The following ROBO1 variants were observed in gnomAD, a reference collection of about 807,000 sequenced individuals.
ROBO1 encodes the protein roundabout guidance receptor 1, also known as roundabout homolog 1.
A neutral mutation model predicts 195.9 loss-of-function variants in ROBO1; 149 were observed. The observed-to-expected ratio is 0.76, with a 90% CI of 0.67 to 0.87. The LOEUF (loss-of-function observed/expected upper bound fraction) is 0.87, where lower values mean the gene tolerates loss of function less well. ROBO1 is among the 40% of genes least tolerant of loss of function. The probability of loss-of-function intolerance (pLI) is 0.00; values close to 1 mark genes in which losing one functional copy is unlikely to be tolerated. For synonymous variants in ROBO1, 816 were observed against 733.2 expected, an observed-to-expected ratio of 1.11 and a Z score of -1.82; for missense variants, 1,933 against 2,068.3, an observed-to-expected ratio of 0.93 and a Z score of 1.27.
intron 1 of ROBO1, among the ~76,000 whole-genome samples, chr3:79,659,135 C>T (rs1380991175): frequency 6.6e-6 from 1 of 152,012 alleles, no homozygotes; most frequent in Non-Finnish European, 1.5e-5. Context: ...TCAAAGCTTC[C>T]ATTGTGTAAA....
At chr3:79,760,209 C>A (rs1335748524) in intron 1 of ROBO1, among the ~76,000 whole-genome samples, 3 of 113,236 alleles carry the variant, frequency 2.6e-5, no homozygotes, top group African/African-American at 1.0e-4. Context: ...TGCACTCCAG[C>A]CTGGGTGAGA....
At chr3:78,673,584 A>ATG in intron 10 of ROBO1, among the ~76,000 whole-genome samples, 1 of 67,514 alleles carries the variant, frequency 1.5e-5, no homozygotes, top group South Asian at 6.6e-4. Context: ...ATATATATAT[A>ATG]TATATATATA....
intron 4 of ROBO1, among the ~76,000 whole-genome samples, chr3:78,883,145 C>A (rs190461254): frequency 1.2e-4 from 18 of 151,940 alleles, no homozygotes; most frequent in African/African-American, 3.9e-4. Context: ...TTCTTCTCTA[C>A]GGCAGAAGCA....
intron 2 of ROBO1, among the ~76,000 whole-genome samples, chr3:79,207,579 G>T (rs2081892847): frequency 6.6e-6 from 1 of 152,084 alleles, no homozygotes; most frequent in Admixed American, 6.6e-5. Flanking sequence ...TGATTTTTAG[G>T]TTGGATAGAA....
intron 4 of ROBO1, among the ~76,000 whole-genome samples, chr3:78,846,779 T>C (rs1476868103): frequency 1.8e-4 from 28 of 152,122 alleles, no homozygotes. Context: ...GAAACATTCA[T>C]TTAAAGTATA....
intron 4 of ROBO1, among the ~76,000 whole-genome samples, chr3:78,858,367 G>C (rs1016514816): frequency 6.6e-6 from 1 of 152,034 alleles, no homozygotes; most frequent in Admixed American, 6.6e-5. Context: ...CACCTAAACT[G>C]CTGTCACTAG....
intron 1 of ROBO1, among the ~76,000 whole-genome samples, chr3:79,712,516 T>C (rs1369002309): frequency 6.6e-6 from 1 of 152,118 alleles, no homozygotes. Flanking sequence ...CAGAAGTTGG[T>C]TACTAAGGTT....
chr3:79,700,305 GTGTGTGTGTGTT>G (rs1319909932), intron 1 of ROBO1, among the ~76,000 whole-genome samples: 36 of 115,108 alleles, frequency 3.1e-4, no homozygotes, highest in African/African-American at 1.0e-3. Flanking sequence ...GTGTGTGTTT[GTGTGTGTGTGTT>G]TGTGTGTGTG....
chr3:79,633,168 G>T (rs1434107130), intron 1 of ROBO1, among the ~76,000 whole-genome samples: 6 of 136,082 alleles, frequency 4.4e-5, no homozygotes, highest in South Asian at 4.8e-4. Flanking sequence ...TTTTACATAT[G>T]TATATTTGCT....
chr3:78,955,089 C>A (rs1352017318), intron 3 of ROBO1, among the ~76,000 whole-genome samples: 3 of 145,178 alleles, frequency 2.1e-5, no homozygotes, highest in African/African-American at 7.7e-5. Context: ...GGGGGTTATA[C>A]AGGTAAACTG....
chr3:79,212,243 C>T (rs2081979292), intron 2 of ROBO1, among the ~76,000 whole-genome samples: 2 of 152,142 alleles, frequency 1.3e-5, no homozygotes, highest in Admixed American at 6.5e-5. Context: ...TAGTTTATGG[C>T]CAGTCTTGGG....
chr3:79,513,920 G>T (rs1175718962), intron 2 of ROBO1, among the ~76,000 whole-genome samples: 1 of 152,152 alleles, frequency 6.6e-6, no homozygotes, highest in Non-Finnish European at 1.5e-5. Context: ...AAAGTTTTAG[G>T]ATAAAATAAT....
At chr3:79,203,938 G>A (rs2081815852) in intron 2 of ROBO1, among the ~76,000 whole-genome samples, 1 of 152,136 alleles carries the variant, frequency 6.6e-6, no homozygotes, top group Non-Finnish European at 1.5e-5. Flanking sequence ...TCATCCTAAT[G>A]TGTGCAATTG....
chr3:79,634,699 C>T (rs1030518456), intron 1 of ROBO1, among the ~76,000 whole-genome samples: 2 of 152,050 alleles, frequency 1.3e-5, no homozygotes, highest in Non-Finnish European at 2.9e-5. Context: ...AATTCATCAT[C>T]ATAAATTAAT....
intron 1 of ROBO1, among the ~76,000 whole-genome samples, chr3:79,733,456 T>C (rs1703241330): frequency 6.6e-6 from 1 of 152,166 alleles, no homozygotes; most frequent in South Asian, 2.1e-4. Context: ...ACTCACCTCT[T>C]CTCAGTCGAA....
intron 2 of ROBO1, among the ~76,000 whole-genome samples, chr3:79,379,858 G>C (rs767011610): frequency 7.9e-5 from 12 of 152,136 alleles, no homozygotes; most frequent in Non-Finnish European, 1.8e-4. Flanking sequence ...ACTGAGACCA[G>C]AGCACCAGGG....
intron 3 of ROBO1, among the ~76,000 whole-genome samples, chr3:79,065,254 G>A (rs893361212): frequency 1.3e-5 from 2 of 151,916 alleles, no homozygotes; most frequent in African/African-American, 4.8e-5. Flanking sequence ...AAGCATATTA[G>A]CATTTATTAA....
At chr3:79,763,660 T>C (rs1394656836) in intron 1 of ROBO1, among the ~76,000 whole-genome samples, 1 of 152,000 alleles carries the variant, frequency 6.6e-6, no homozygotes, top group Non-Finnish European at 1.5e-5. Flanking sequence ...TCAAAGAAAA[T>C]GGAAAGCCCC....
chr3:79,682,614 GAGA>G (rs1210360339), intron 1 of ROBO1, among the ~76,000 whole-genome samples: 1 of 151,884 alleles, frequency 6.6e-6, no homozygotes, highest in African/African-American at 2.4e-5. Context: ...ACTTTCCCCA[GAGA>G]AGGTCTCCTG....
Sources: gnomAD v4.1 joint callset for allele counts (sites outside exome capture counted in the v4.1 genomes callset) on GRCh38, gnomAD v4.1.1 for gene constraint, MANE v1.5 for transcripts, NCBI Gene and HGNC (gene_info 2026-07-23, HGNC 2026-07-21) for gene names.